The following DAB1 variants were observed in gnomAD, a reference collection of about 807,000 sequenced individuals.
The protein encoded by DAB1 is disabled homolog 1.
In DAB1, 15 loss-of-function variants were observed where a neutral mutation model predicts 64.6. The ratio of observed to expected loss-of-function variants is 0.23; its 90% CI spans 0.16 to 0.36. The LOEUF is 0.36. Among genes scored for constraint, DAB1 ranks in the 10% least tolerant of loss-of-function variants. DAB1 has a pLI of 1.00. For missense variants in DAB1, 596 were observed against 706.7 expected, an observed-to-expected ratio of 0.84 and a Z score of 1.78; for synonymous variants, 235 against 251.9, an observed-to-expected ratio of 0.93 and a Z score of 0.64.
chr1:58,503,162 A>C (rs1422324055), intron 3 of DAB1, among the ~76,000 whole-genome samples: 1 of 152,244 alleles, frequency 6.6e-6, no homozygotes, highest in Non-Finnish European at 1.5e-5. Context: ...AACAAACCAC[A>C]TATTTTTAGA....
chr1:57,109,147 T>C (rs1201991646), intron 4 of DAB1, among the ~76,000 whole-genome samples: 3 of 152,188 alleles, frequency 2.0e-5, no homozygotes, highest in South Asian at 2.1e-4. Flanking sequence ...TTTCTCCCAC[T>C]GCTTCTAGGG....
chr1:58,472,462 C>T (rs896905514), intron 3 of DAB1, among the ~76,000 whole-genome samples: 1 of 152,180 alleles, frequency 6.6e-6, no homozygotes, highest in African/African-American at 2.4e-5. Context: ...TAGAAACAGC[C>T]TGAATCAACC....
intron 4 of DAB1, among the ~76,000 whole-genome samples, chr1:58,256,348 T>C (rs1455451137): frequency 6.6e-6 from 1 of 152,148 alleles, no homozygotes; most frequent in Non-Finnish European, 1.5e-5. Flanking sequence ...AGCTTCTTTC[T>C]CCAGTCTTGT....
Position 57,641,378 on chromosome 1 carries a change from G to GTTTTTTTTTT in DAB1, n.625+8213_625+8214insAAAAAAAAAA, listed in dbSNP as rs1491296848. Among the ~76,000 whole-genome samples, 75 of 109,810 alleles carry GTTTTTTTTTT rather than the reference G, an allele frequency of 6.8e-4. 3 individuals carry two copies. Among genetic ancestry groups the GTTTTTTTTTT allele is most frequent in the Middle Eastern group, 5.3e-3 (1 of 188 alleles). 72.0% of individuals were successfully genotyped at this position (109,810 alleles called of 152,430 possible). On this transcript the variant is annotated intron_variant and non_coding_transcript_variant, in intron 7 of 20. Coordinates refer to the DAB1 transcript ENST00000485760. The stretch of plus-strand genomic sequence containing the variant: ...TGCCCAGTTCCCTCTTTTTTTTGTT[G>GTTTTTTTTTT]GTTTTTTTTTTTTTTTTTTTTTTGA...
intron 3 of DAB1, among the ~76,000 whole-genome samples, chr1:58,464,087 C>T (rs1035673683): frequency 7.2e-5 from 11 of 152,176 alleles, no homozygotes; most frequent in African/African-American, 1.2e-4. Context: ...GAGCAGGGAA[C>T]GGCACACTGC....
At chr1:57,818,774 T>C (rs1569774824) in intron 6 of DAB1, among the ~76,000 whole-genome samples, 1 of 149,738 alleles carries the variant, frequency 6.7e-6, no homozygotes, top group East Asian at 1.9e-4. Flanking sequence ...ATATATATAA[T>C]ATTTATTTGT....
rs115174368 is a variant in DAB1, at chr1:58,400,032, C to T, written n.258-56629G>A. On this transcript the variant is annotated intron_variant and non_coding_transcript_variant, in intron 3 of 20. Coordinates refer to the DAB1 transcript ENST00000485760. ...AAATAAATAAATAAATTGAATTTCT[C>T]ATAAGAATACAGTATATTTTGTGAA... 8.3e-3 allele frequency among the ~76,000 whole-genome samples: 1,259 copies of T among 152,050 alleles called. 19 individuals are homozygous for T. The highest frequency in any genetic ancestry group is 0.029 in the African/African-American group (1,206 of 41,484).
chr1:57,692,113 C>A (rs926754662), intron 6 of DAB1, among the ~76,000 whole-genome samples: 3 of 152,016 alleles, frequency 2.0e-5, no homozygotes, highest in Non-Finnish European at 4.4e-5. Flanking sequence ...CCCGTGGCCA[C>A]AAGCAGAAGT....
chr1:57,198,372 A>G (rs565916218), intron 2 of DAB1, among the ~76,000 whole-genome samples: 3 of 152,178 alleles, frequency 2.0e-5, no homozygotes, highest in Non-Finnish European at 4.4e-5. Context: ...ATTAAATAGA[A>G]TGTAATGAAG....
rs1678157897 is a variant in DAB1, at chr1:57,346,938, C to A, written c.-136-55772G>T. ...CCAGGCAGTGTTCGGTGCTTGGATT[C>A]CAGTTGTGAACAAAATAGGCAAAAT... On this transcript the variant is annotated intron_variant, in intron 1 of 14. Coordinates refer to ENST00000371236, the MANE Select transcript of DAB1 (RefSeq NM_001365792.1). 2.0e-5 allele frequency among the ~76,000 whole-genome samples: 3 copies of A among 152,170 alleles called. No homozygotes were observed. In the South Asian group the frequency reaches 6.2e-4, roughly 31 times the overall value.
chr1:57,385,827 G>A (rs1048367607), intron 1 of DAB1, among the ~76,000 whole-genome samples: 4 of 152,244 alleles, frequency 2.6e-5, no homozygotes, highest in Middle Eastern at 3.4e-3. Flanking sequence ...CTACCAAATC[G>A]TGCTGCACTT....
In DAB1 at chr1:56,995,819, C is replaced by G. The variant is rs1295004494; in HGVS notation, c.*2325G>C. On this transcript the variant is annotated 3_prime_UTR_variant, in exon 15 of 15. Transcript: ENST00000371236. ...AAATCCCCAGAAAACAAACTGGTCT[C>G]AGGCCAACTCTTATGGTCATTCCAC... 1 of 152,214 alleles carries G rather than the reference C, an allele frequency of 6.6e-6. No individual in the cohort carries two copies. The allele number at this position is 152,214 out of a possible 1,614,324, so 9.4% of individuals were successfully genotyped here.
chr1:57,465,460 T>A (rs1686925151), intron 7 of DAB1, among the ~76,000 whole-genome samples: 1 of 152,222 alleles, frequency 6.6e-6, no homozygotes, highest in Non-Finnish European at 1.5e-5. Flanking sequence ...ATGACATGAA[T>A]GAACATCAGT....
At chr1:57,553,452 G>GAAAGAAAT (rs1644945601) in intron 7 of DAB1, among the ~76,000 whole-genome samples, 1 of 128,770 alleles carries the variant, frequency 7.8e-6, no homozygotes, top group African/African-American at 3.0e-5. Flanking sequence ...GAGAAAGAAA[G>GAAAGAAAT]AAAGAAAGAG....
chr1:57,116,837 C>G (rs951645189), intron 4 of DAB1, among the ~76,000 whole-genome samples: 1 of 152,174 alleles, frequency 6.6e-6, no homozygotes, highest in East Asian at 1.9e-4. Flanking sequence ...TTTTACAGCT[C>G]TCTATAACTG....
intron 3 of DAB1, among the ~76,000 whole-genome samples, chr1:58,420,440 T>C (rs1413949954): frequency 6.6e-6 from 1 of 152,210 alleles, no homozygotes; most frequent in African/African-American, 2.4e-5. Context: ...CTTTCTCTCA[T>C]CCTTCTGGAG....
At chr1:58,114,778 G>A (rs905138906) in intron 5 of DAB1, among the ~76,000 whole-genome samples, 5 of 152,166 alleles carry the variant, frequency 3.3e-5, no homozygotes, top group Admixed American at 6.5e-5. Context: ...CTTCTCCCTC[G>A]TCATCCCCTA....
rs5774375 is a variant in DAB1, at chr1:57,850,452, G to GT, written n.88-23998dup. On this transcript the variant is annotated intron_variant and non_coding_transcript_variant, in intron 1 of 1. Coordinates refer to the DAB1 transcript ENST00000477280. ...GGATTGTGTAACTTCAGATAATGTAGTTTTTTTTTTTTTTTTAACTGAGAA... is the reference window on the plus strand; with the variant it reads ...GGATTGTGTAACTTCAGATAATGTAGTTTTTTTTTTTTTTTTTAACTGAGAA... 9.4e-3 allele frequency among the ~76,000 whole-genome samples: 1,387 copies of GT among 147,032 alleles called. 11 individuals carry two copies. The highest frequency in any genetic ancestry group is 0.016 in the African/African-American group (630 of 39,976).
chr1:57,285,664 G>A (rs149075001), intron 2 of DAB1, among the ~76,000 whole-genome samples: 7 of 152,240 alleles, frequency 4.6e-5, no homozygotes, highest in African/African-American at 1.7e-4. Flanking sequence ...CAGGCTCAAG[G>A]AGGCTAATTA....
Sources: gnomAD v4.1 joint callset for allele counts (sites outside exome capture counted in the v4.1 genomes callset) on GRCh38, gnomAD v4.1.1 for gene constraint, MANE v1.5 for transcripts, NCBI Gene and HGNC (gene_info 2026-07-23, HGNC 2026-07-21) for gene names.